PAQR9: variants seen among roughly 807,000 people sequenced by gnomAD.
The protein encoded by PAQR9 is membrane progestin receptor epsilon.
In PAQR9, 12 loss-of-function variants were observed where a neutral mutation model predicts 24.0. The observed-to-expected ratio is 0.50, with a 90% CI of 0.32 to 0.81. The LOEUF (loss-of-function observed/expected upper bound fraction) is 0.81. Ranked by LOEUF, PAQR9 falls within the 30% of genes least tolerant of loss-of-function variation. The probability of loss-of-function intolerance (pLI) is 0.03; values close to 1 mark genes in which losing one functional copy is unlikely to be tolerated. For missense variants in PAQR9, 418 were observed against 520.8 expected, an observed-to-expected ratio of 0.80 and a Z score of 1.92; for synonymous variants, 266 against 237.6, an observed-to-expected ratio of 1.12 and a Z score of -1.10.
rs1338268012 is a variant in PAQR9, at chr3:142,957,836, T to C, written c.*4367A>G. Among the ~76,000 whole-genome samples the C allele has an allele frequency of 6.6e-6, 1 of 152,146 alleles. No individual in the cohort carries two copies. Among genetic ancestry groups the C allele is most frequent in the Admixed American group, 6.5e-5 (1 of 15,278 alleles). Reference sequence around the variant, plus strand: ...CACAGAAAAAGAAAAAAGAAAGAAATTGATTGCTGAGGAAGTCAGCATGTG... The same window carrying C: ...CACAGAAAAAGAAAAAAGAAAGAAACTGATTGCTGAGGAAGTCAGCATGTG... On this transcript the variant is annotated 3_prime_UTR_variant, in exon 1 of 1. Coordinates refer to ENST00000340634, the MANE Select transcript of PAQR9 (RefSeq NM_198504.4).
chr3:142,960,979 G>C lies in PAQR9; in HGVS notation c.*1224C>G, dbSNP rs548121233. On this transcript the variant is annotated 3_prime_UTR_variant, in exon 1 of 1. Transcript: ENST00000340634. ...TTTTAATTTTAAGCAAGGATGGATG[G>C]CATCAGTCTAGAACTTCTCCCATGG... is the stretch of plus-strand genomic sequence containing the variant. The C allele has an allele frequency of 6.6e-6, 1 of 152,266 alleles. No individual in the cohort carries two copies. The highest frequency in any genetic ancestry group is 2.1e-4 in the South Asian group (1 of 4,816). 9.4% of individuals were successfully genotyped at this position (152,266 alleles called of 1,614,324 possible). A position where few individuals can be genotyped will look rare whatever the true frequency, so the allele number is the denominator to read the frequency against.
At position 142,955,246 on chromosome 3, in the gene PAQR9, T is replaced by G. The variant is rs1934772985; in HGVS notation, c.*6957A>C. ...CAAATCCAAGAACAGTCACCGTATTTAAAACCTTTGTTTGGAAATGGGTGA... is the reference window on the plus strand; with the variant it reads ...CAAATCCAAGAACAGTCACCGTATTGAAAACCTTTGTTTGGAAATGGGTGA... On this transcript the variant is annotated 3_prime_UTR_variant, in exon 1 of 1. Coordinates refer to ENST00000340634, the MANE Select transcript of PAQR9 (RefSeq NM_198504.4). 6.6e-6 allele frequency among the ~76,000 whole-genome samples: 1 copy of G among 151,946 alleles called. No individual in the cohort carries two copies. Among genetic ancestry groups the G allele is most frequent in the Admixed American group, 6.6e-5 (1 of 15,244 alleles).
At chr3:142,951,300 T>C (rs1018935796), downstream of PAQR9, among the ~76,000 whole-genome samples, 2 of 152,216 alleles carry the variant, frequency 1.3e-5, no homozygotes, top group Non-Finnish European at 2.9e-5. Context: ...GTAAACATTA[T>C]GGAAAAAAAT....
At position 142,962,850 on chromosome 3, in the gene PAQR9, AGCT is replaced by A. The variant is rs753323696; in HGVS notation, c.484_486del (p.Ser162del). 1 of 1,613,532 alleles carries A rather than the reference AGCT, an allele frequency of 6.2e-7. No individual in the cohort carries two copies. Among genetic ancestry groups the A allele is most frequent in the South Asian group, 1.1e-5 (1 of 91,068 alleles). On this transcript the variant is annotated inframe_deletion, in exon 1 of 1. Coordinates refer to ENST00000340634, the MANE Select transcript of PAQR9 (RefSeq NM_198504.4). ...GCCACCGTGCTGCCGAAGCCGTAGT[AGCT>A]GATGGACGCGTAGTCCAGGTAGAAG...
At position 142,955,019 on chromosome 3, in the gene PAQR9, G is replaced by A. The variant is rs112468265; in HGVS notation, c.*7184C>T. ...AGCAATGGGAAAAATTTCTTTGTGC[G>A]CGCATCATTTTTACTCCCTTCTTTC... On this transcript the variant is annotated 3_prime_UTR_variant, in exon 1 of 1. Transcript: ENST00000340634. 9.5e-3 allele frequency among the ~76,000 whole-genome samples: 1,450 copies of A among 152,066 alleles called. 17 individuals are homozygous for A. Among genetic ancestry groups the A allele is most frequent in the African/African-American group, 0.029 (1,189 of 41,462 alleles).
chr3:142,962,172 G>T lies in PAQR9; in HGVS notation c.*31C>A. On this transcript the variant is annotated 3_prime_UTR_variant, in exon 1 of 1. Coordinates refer to ENST00000340634, the MANE Select transcript of PAQR9 (RefSeq NM_198504.4). ...AACAACAGAAACTCCAAACAGATGG[G>T]CGAACCAGTAGTCTCCTCCAAGGCG... 1.3e-6 allele frequency: 2 copies of T among 1,592,788 alleles called. No homozygotes were observed. Among genetic ancestry groups the T allele is most frequent in the South Asian group, 2.2e-5 (2 of 89,780 alleles).
downstream of PAQR9, among the ~76,000 whole-genome samples, chr3:142,953,203 C>T (rs149046672): frequency 8.2e-4 from 125 of 152,220 alleles, no homozygotes; most frequent in African/African-American, 2.8e-3. Context: ...GCCAATTCTC[C>T]ACCTTTCTAC....
chr3:142,951,303 A>G (rs1235585844), downstream of PAQR9, among the ~76,000 whole-genome samples: 2 of 152,188 alleles, frequency 1.3e-5, no homozygotes, highest in African/African-American at 2.4e-5. Flanking sequence ...AACATTATGG[A>G]AAAAAATTCC....
Position 142,956,773 on chromosome 3 carries a change from A to G in PAQR9, c.*5430T>C, listed in dbSNP as rs1297480697. Among the ~76,000 whole-genome samples, 1 of 152,238 alleles carries G rather than the reference A, an allele frequency of 6.6e-6. No homozygotes were observed. The highest frequency in any genetic ancestry group is 2.4e-5 in the African/African-American group (1 of 41,460). ...GCCTACAAACTGGTTAGAAATCTGCAAACCAGAAATGCAATACAGTTATCC... is the reference window on the plus strand; with the variant it reads ...GCCTACAAACTGGTTAGAAATCTGCGAACCAGAAATGCAATACAGTTATCC... On this transcript the variant is annotated 3_prime_UTR_variant, in exon 1 of 1. Coordinates refer to ENST00000340634, the MANE Select transcript of PAQR9 (RefSeq NM_198504.4).
chr3:142,962,844 C>T lies in PAQR9; in HGVS notation c.493G>A (p.Gly165Ser), dbSNP rs1300591144. 7 of 1,613,318 alleles carry T rather than the reference C, an allele frequency of 4.3e-6. No homozygotes were observed. Among genetic ancestry groups the T allele is most frequent in the Non-Finnish European group, 4.2e-6 (5 of 1,179,980 alleles). The change falls in exon 1 of 1, where the codon GGC becomes AGC. Residue 165 changes from glycine to serine, a missense_variant. Transcript: ENST00000340634. ...TAGTAGGCCACCGTGCTGCCGAAGCCGTAGTAGCTGATGGACGCGTAGTCC... is the reference window on the plus strand; with the variant it reads ...TAGTAGGCCACCGTGCTGCCGAAGCTGTAGTAGCTGATGGACGCGTAGTCC... ...YLDYASISYYGFGSTVAYYYY... is the reference protein window; with the variant it reads ...YLDYASISYYSFGSTVAYYYY...
At position 142,961,051 on chromosome 3, in the gene PAQR9, G is replaced by T. The variant is rs1448291183; in HGVS notation, c.*1152C>A. The T allele has an allele frequency of 6.6e-6, 1 of 152,288 alleles. No individual in the cohort carries two copies. The highest frequency in any genetic ancestry group is 2.4e-5 in the African/African-American group (1 of 41,436). 9.4% of individuals were successfully genotyped at this position (152,288 alleles called of 1,614,324 possible). A position where few individuals can be genotyped will look rare whatever the true frequency, so the allele number is the denominator to read the frequency against. ...ATTAGAGGGTTGGCTCTTTGTCCTT[G>T]TTGGGAACCCAAATGCTCTGCACGC... is the stretch of plus-strand genomic sequence containing the variant. On this transcript the variant is annotated 3_prime_UTR_variant, in exon 1 of 1. Coordinates refer to ENST00000340634, the MANE Select transcript of PAQR9 (RefSeq NM_198504.4).
At position 142,962,131 on chromosome 3, in the gene PAQR9, ACAAAC is replaced by A; in HGVS notation, c.*67_*71del. ...GAAGAAAACACAATGAAATTTGAAAACAAACCAACAATAGCAACAACAGAAACTCC... is the reference window on the plus strand; with the variant it reads ...GAAGAAAACACAATGAAATTTGAAAACAACAATAGCAACAACAGAAACTCC... On this transcript the variant is annotated 3_prime_UTR_variant, in exon 1 of 1. Coordinates refer to ENST00000340634, the MANE Select transcript of PAQR9 (RefSeq NM_198504.4). 1 of 1,492,036 alleles carries A rather than the reference ACAAAC, an allele frequency of 6.7e-7. No homozygotes were observed. Among genetic ancestry groups the A allele is most frequent in the South Asian group, 1.2e-5 (1 of 83,430 alleles). 92.4% of individuals were successfully genotyped at this position (1,492,036 alleles called of 1,614,324 possible). A position where few individuals can be genotyped will look rare whatever the true frequency, so the allele number is the denominator to read the frequency against.
At chr3:142,952,720 C>G (rs1328186351), downstream of PAQR9, 3 of 456,194 alleles carry the variant, frequency 6.6e-6, no homozygotes, top group Non-Finnish European at 1.3e-5. Context: ...TACACTGTGA[C>G]TGTTAGTAGC....
At position 142,963,605 on chromosome 3, in the gene PAQR9, G is replaced by A; in HGVS notation, c.-269C>T. The A allele has an allele frequency of 1.2e-6, 1 of 819,090 alleles. No homozygotes were observed. Among genetic ancestry groups the A allele is most frequent in the Non-Finnish European group, 1.5e-6 (1 of 679,818 alleles). The allele number at this position is 819,090 out of a possible 1,614,324, so 50.7% of individuals were successfully genotyped here. Reference sequence around the variant, plus strand: ...TCCTCGCCAAGCCCCTGCTACCGGCGCGCGGCCGCCCGCGCTGCGGCAGCG... The same window carrying A: ...TCCTCGCCAAGCCCCTGCTACCGGCACGCGGCCGCCCGCGCTGCGGCAGCG... On this transcript the variant is annotated 5_prime_UTR_variant, in exon 1 of 1. Transcript: ENST00000340634.
downstream of PAQR9, among the ~76,000 whole-genome samples, chr3:142,951,302 GA>G (rs954471894): frequency 5.3e-5 from 8 of 152,050 alleles, no homozygotes; most frequent in African/African-American, 1.9e-4. Context: ...AAACATTATG[GA>G]AAAAAATTCC....
rs777350940 is a variant in PAQR9 at position 142,958,543 on chromosome 3, T to C, written c.*3660A>G. ...GAAGAGATTTAAAGATAAAAATTCC[T>C]GTTTATTATTGCTGTTAGTCCTCAG... On this transcript the variant is annotated 3_prime_UTR_variant, in exon 1 of 1. Coordinates refer to ENST00000340634, the MANE Select transcript of PAQR9 (RefSeq NM_198504.4). Among the ~76,000 whole-genome samples, 15 of 152,218 alleles carry C rather than the reference T, an allele frequency of 9.9e-5. No homozygotes were observed. Among genetic ancestry groups the C allele is most frequent in the Non-Finnish European group, 1.5e-4 (10 of 68,048 alleles).
Position 142,962,093 on chromosome 3 carries a change from T to C in PAQR9, c.*110A>G. ...TTTTTCCCTATGGTTTTGCAGCACC[T>C]TCCTTGAGCAAAGAAGAAAACACAA... On this transcript the variant is annotated 3_prime_UTR_variant, in exon 1 of 1. Coordinates refer to ENST00000340634, the MANE Select transcript of PAQR9 (RefSeq NM_198504.4). 7.7e-7 allele frequency: 1 copy of C among 1,301,406 alleles called. No homozygotes were observed. Among genetic ancestry groups the C allele is most frequent in the Non-Finnish European group, 1.1e-6 (1 of 938,612 alleles). The allele number at this position is 1,301,406 out of a possible 1,614,324, so 80.6% of individuals were successfully genotyped here. A position where few individuals can be genotyped will look rare whatever the true frequency, so the allele number is the denominator to read the frequency against.
upstream of PAQR9, chr3:142,963,743 G>T: frequency 4.4e-6 from 4 of 904,114 alleles, no homozygotes; most frequent in Non-Finnish European, 5.3e-6. Context: ...TGTGCGAGCC[G>T]AGGCGCGGAG....
downstream of PAQR9, among the ~76,000 whole-genome samples, chr3:142,954,429 A>T (rs1369100697): frequency 3.9e-5 from 6 of 152,240 alleles, no homozygotes; most frequent in African/African-American, 1.4e-4. Flanking sequence ...GGATAAACTT[A>T]TACTCTTGCC....
Sources: allele counts gnomAD v4.1 joint callset (sites outside exome capture counted in the v4.1 genomes callset), GRCh38; gene constraint gnomAD v4.1.1; transcripts MANE v1.5; gene names NCBI Gene and HGNC (gene_info 2026-07-23, HGNC 2026-07-21).